Variants in LAMB4 observed in about 807,000 individuals in gnomAD.
The protein encoded by LAMB4 is laminin subunit beta-4.
LAMB4 carries 196 observed loss-of-function variants against 199.2 expected under a neutral mutation model. That is an observed-to-expected ratio of 0.98 (90% confidence interval 0.88 to 1.11). The LOEUF (loss-of-function observed/expected upper bound fraction) is 1.11. LAMB4 is among the 50% of genes least tolerant of loss of function. The pLI, the probability that LAMB4 is intolerant of heterozygous loss-of-function variation, is 0.00. For synonymous variants in LAMB4, 744 were observed against 770.6 expected (o/e 0.97, Z 0.57); for missense variants, 2,080 against 2,171.2 (o/e 0.96, Z 0.83).
At chr7:108,032,015 A>T (rs2035055691) in intron 31 of LAMB4, among the ~76,000 whole-genome samples, 1 of 152,156 alleles carries the variant, frequency 6.6e-6, no homozygotes, top group African/African-American at 2.4e-5. Context: ...CTTATTTTGT[A>T]TTTTGTATCC....
In LAMB4 at chr7:108,036,077, C is replaced by G. The variant is rs183239279; in HGVS notation, c.4679+1311G>C. ...TTCACCATGTTGGCCAGGCTGGTCT[C>G]TAACTCCTAGCCTCAAGTGATCCAC... On this transcript the variant is annotated intron_variant, in intron 30 of 33. Coordinates refer to ENST00000388781, the MANE Select transcript of LAMB4 (RefSeq NM_007356.3). Among the ~76,000 whole-genome samples the G allele has an allele frequency of 2.6e-5, 4 of 152,132 alleles. 1 individual carries two copies. The highest frequency in any genetic ancestry group is 2.6e-4 in the Admixed American group (4 of 15,276).
At chr7:108,096,232 C>T (rs1487557061) in intron 11 of LAMB4, among the ~76,000 whole-genome samples, 1 of 152,204 alleles carries the variant, frequency 6.6e-6, no homozygotes, top group East Asian at 1.9e-4. Flanking sequence ...CTCTGGGTAC[C>T]TCATATAAGT....
chr7:108,050,791 T>C (rs1383503908), intron 26 of LAMB4, among the ~76,000 whole-genome samples: 1 of 152,232 alleles, frequency 6.6e-6, no homozygotes, highest in Non-Finnish European at 1.5e-5. Context: ...GCAGATTTTC[T>C]CCTACCCTGT....
intron 30 of LAMB4, among the ~76,000 whole-genome samples, chr7:108,035,618 A>AG (rs1373244393): frequency 6.0e-5 from 9 of 150,710 alleles, no homozygotes; most frequent in African/African-American, 2.2e-4. Flanking sequence ...AAAAAAAAAA[A>AG]AAAAGAAAAA....
At chr7:108,012,244 A>G in the LAMB4 span, among the ~76,000 whole-genome samples, 2 of 152,150 alleles carry the variant, frequency 1.3e-5, no homozygotes, top group Non-Finnish European at 2.9e-5. Context: ...TTCTATTTCT[A>G]TAAACAAAAT....
Sources: allele counts gnomAD v4.1 joint callset (sites outside exome capture counted in the v4.1 genomes callset), GRCh38; gene constraint gnomAD v4.1.1; transcripts MANE v1.5; gene names NCBI Gene and HGNC (gene_info 2026-07-23, HGNC 2026-07-21).